THYN1: variants seen among roughly 807,000 people sequenced by gnomAD.
THYN1 encodes the protein thymocyte nuclear protein 1, also known as thymocyte protein thy28.
In THYN1, 32 loss-of-function variants were observed where a neutral mutation model predicts 30.6. The observed-to-expected ratio is 1.05, with a 90% CI of 0.79 to 1.40. The LOEUF (loss-of-function observed/expected upper bound fraction) is 1.40, where lower values mean the gene tolerates loss of function less well. THYN1 is among the 40% of genes most tolerant of loss of function. The pLI is 0.00. For missense variants in THYN1, 259 were observed against 272.6 expected (o/e 0.95, Z 0.35); for synonymous variants, 107 against 90.8 (o/e 1.18, Z -1.01).
chr11:134,250,964 G>A (rs541795734), intron 2 of THYN1, among the ~76,000 whole-genome samples, 166 bp downstream of exon 2: 7 of 152,144 alleles, frequency 4.6e-5, no homozygotes, highest in African/African-American at 9.7e-5. Flanking sequence ...AGATACACAG[G>A]TTCACAAACC....
Position 134,253,256 on chromosome 11 carries a change from G to A in THYN1, c.-374C>T. 7.5e-7 allele frequency: 1 copy of A among 1,334,356 alleles called. No homozygotes were observed. The highest frequency in any genetic ancestry group is 9.6e-7 in the Non-Finnish European group (1 of 1,043,368). 82.7% of individuals were successfully genotyped at this position (1,334,356 alleles called of 1,614,324 possible). On this transcript the variant is annotated 5_prime_UTR_variant, in exon 1 of 7. Coordinates refer to ENST00000341541, the MANE Select transcript of THYN1 (RefSeq NM_014174.3). ...TTATCCTTGCTAATTAGGATCAACT[G>A]AATGGATAATCTAGATGATGAAGTA...
At chr11:134,251,676 A>G (rs1355078497) in intron 1 of THYN1, 1 of 181,390 alleles carries the variant, frequency 5.5e-6, no homozygotes, top group Non-Finnish European at 1.1e-5. Context: ...AAATGAGGTA[A>G]TACAAAGGGC....
chr11:134,249,365 C>T (rs1591491317), intron 4 of THYN1, 103 bp from the exon 5 acceptor site: 1 of 1,167,406 alleles, frequency 8.6e-7, no homozygotes, highest in East Asian at 2.4e-5. Context: ...ACATTCTTAA[C>T]CCATCTGCCT....
chr11:134,252,230 G>T (rs1157246964), intron 1 of THYN1, among the ~76,000 whole-genome samples: 2 of 152,060 alleles, frequency 1.3e-5, no homozygotes, highest in African/African-American at 4.8e-5. Context: ...TTTCCTAATG[G>T]CCCCTTAGGA....
chr11:134,250,355 G>A lies in THYN1; in HGVS notation c.223-12C>T, dbSNP rs1333707751. 7 of 1,613,944 alleles carry A rather than the reference G, an allele frequency of 4.3e-6. No individual in the cohort carries two copies. Among genetic ancestry groups the A allele is most frequent in the Non-Finnish European group, 5.9e-6 (7 of 1,179,974 alleles). ...TCCTCAATGCTGAACTAGGCAAGAGGAAATAAATTCAATCATTAAACAATC... is the reference window on the plus strand; with the variant it reads ...TCCTCAATGCTGAACTAGGCAAGAGAAAATAAATTCAATCATTAAACAATC... On this transcript the variant is annotated splice_polypyrimidine_tract_variant and intron_variant, in intron 2 of 6. Coordinates refer to ENST00000341541, the MANE Select transcript of THYN1 (RefSeq NM_014174.3).
At chr11:134,252,634 A>C (rs1397055017) in intron 1 of THYN1, among the ~76,000 whole-genome samples, 6 of 152,232 alleles carry the variant, frequency 3.9e-5, no homozygotes, top group East Asian at 1.9e-4. Flanking sequence ...TGTGCACAAC[A>C]ACCATTGCCT....
rs1474962757 is a variant in THYN1, at chr11:134,251,278, G to T, written c.74C>A (p.Thr25Asn). The change falls in exon 2 of 7, where the codon ACT (threonine) becomes AAT (asparagine). Residue 25 changes from threonine (T) to asparagine (N), a missense_variant. Coordinates refer to ENST00000341541, the MANE Select transcript of THYN1 (RefSeq NM_014174.3). ...AGCTAATGCCTCACCTGAGTTCTCA[G>T]TTTTGGTGCGTTTTCCTGATAGTCC... is the stretch of plus-strand genomic sequence containing the variant. Reference protein sequence around the residue: ...DKGLSGKRTKTENSGEALAKV... With the variant: ...DKGLSGKRTKNENSGEALAKV... 2 of 1,613,240 alleles carry T rather than the reference G, an allele frequency of 1.2e-6. No individual in the cohort carries two copies. Among genetic ancestry groups the T allele is most frequent in the East Asian group, 4.5e-5 (2 of 44,862 alleles).
In THYN1 at chr11:134,253,174, G is replaced by A; in HGVS notation, c.-292C>T. ...ATCTCAGTATGTAGTTCACTGGGAA[G>A]TGGCTCCACAGAGACACTTTTGTTG... On this transcript the variant is annotated 5_prime_UTR_variant, in exon 1 of 7. Coordinates refer to ENST00000341541, the MANE Select transcript of THYN1 (RefSeq NM_014174.3). 7.5e-7 allele frequency: 1 copy of A among 1,338,268 alleles called. No homozygotes were observed. The highest frequency in any genetic ancestry group is 9.5e-7 in the Non-Finnish European group (1 of 1,048,404). The allele number at this position is 1,338,268 out of a possible 1,614,324, so 82.9% of individuals were successfully genotyped here. A position where few individuals can be genotyped will look rare whatever the true frequency, so the allele number is the denominator to read the frequency against.
chr11:134,251,545 T>C (rs1420134577), intron 1 of THYN1: 2 of 465,662 alleles, frequency 4.3e-6, no homozygotes, highest in East Asian at 7.3e-5. Flanking sequence ...CCTTACAGGG[T>C]TGTTCAGGAT....
chr11:134,252,359 C>T (rs1236574160), intron 1 of THYN1, among the ~76,000 whole-genome samples: 4 of 152,174 alleles, frequency 2.6e-5, no homozygotes, highest in Admixed American at 1.3e-4. Flanking sequence ...TGTTCCTCCT[C>T]CTCCATCCAC....
chr11:134,251,213 T>C lies in THYN1; in HGVS notation c.139A>G (p.Lys47Glu). 1 of 1,614,200 alleles carries C rather than the reference T, an allele frequency of 6.2e-7. No homozygotes were observed. The highest frequency in any genetic ancestry group is 8.5e-7 in the Non-Finnish European group (1 of 1,180,010). The change falls in exon 2 of 7, where the codon AAA (lysine) becomes GAA (glutamate). Residue 47 changes from lysine to glutamate, a missense_variant. Physicochemically the swap from Lys to Glu is moderately conservative, Grantham distance 56 (BLOSUM62 1). Coordinates refer to ENST00000341541, the MANE Select transcript of THYN1 (RefSeq NM_014174.3). The part of the protein sequence containing the change: ...DSNPQKTSAT[K>E]NCLKNLSSHW... ...CTGCTTAGATTCTTCAAACAGTTTT[T>C]AGTGGCTGAAGTCTTCTGAGGGTTG...
rs116551999 is a variant in THYN1, at chr11:134,252,247, A to G, written c.43+593T>C. Among the ~76,000 whole-genome samples the G allele has an allele frequency of 7.1e-3, 1,074 of 152,314 alleles. 10 individuals are homozygous for G. The highest frequency in any genetic ancestry group is 0.024 in the African/African-American group (1,013 of 41,560). On this transcript the variant is annotated intron_variant, in intron 1 of 6. Coordinates refer to ENST00000341541, the MANE Select transcript of THYN1 (RefSeq NM_014174.3). Reference sequence around the variant, plus strand: ...TCCTAATGGCCCCTTAGGAGTTAACAGGCCCACTGCAAACACCACATATTG... The same window carrying G: ...TCCTAATGGCCCCTTAGGAGTTAACGGGCCCACTGCAAACACCACATATTG...
intron 6 of THYN1, 96 bp from the exon 7 acceptor site, chr11:134,248,580 T>C: frequency 6.7e-7 from 1 of 1,486,582 alleles, no homozygotes; most frequent in Non-Finnish European, 9.3e-7. Context: ...TACATGGTAC[T>C]AAGGCGAGCA....
rs1214222023 is a variant in THYN1 at position 134,252,953 on chromosome 11, TC to T, written c.-72del. 2.0e-6 allele frequency: 3 copies of T among 1,507,340 alleles called. No individual in the cohort carries two copies. Among genetic ancestry groups the T allele is most frequent in the Non-Finnish European group, 2.7e-6 (3 of 1,130,378 alleles). 93.4% of individuals were successfully genotyped at this position (1,507,340 alleles called of 1,614,324 possible). On this transcript the variant is annotated 5_prime_UTR_variant, in exon 1 of 7. Transcript: ENST00000341541. ...GGAGATACAAGAAAGAATGCTAATG[TC>T]CTCCAAAACCCGCGCAGAGCGAGAT... is the stretch of plus-strand genomic sequence containing the variant.
At chr11:134,251,478 A>G in intron 1 of THYN1, 170 bp from the exon 2 acceptor site, 1 of 710,628 alleles carries the variant, frequency 1.4e-6, no homozygotes, top group Non-Finnish European at 2.3e-6. Context: ...AAAATTAGAC[A>G]AGAATACCTA....
intron 3 of THYN1, 64 bp downstream of exon 3, chr11:134,250,211 C>A: frequency 1.3e-6 from 2 of 1,577,644 alleles, no homozygotes; most frequent in South Asian, 1.1e-5. Flanking sequence ...CTGAGTACGT[C>A]ATGAGGAGGA....
At chr11:134,251,464 TA>T in intron 1 of THYN1, 156 bp from the exon 2 acceptor site, 1 of 829,366 alleles carries the variant, frequency 1.2e-6, no homozygotes, top group East Asian at 2.5e-5. Flanking sequence ...TTTCCTTATC[TA>T]TAAAAATTAG....
At chr11:134,250,479 T>C in intron 2 of THYN1, 136 bp from the exon 3 acceptor site, 2 of 902,500 alleles carry the variant, frequency 2.2e-6, no homozygotes, top group South Asian at 3.3e-5. Context: ...CACCGGGAAG[T>C]GGCTCCACAG....
chr11:134,250,310 G>C lies in THYN1; in HGVS notation c.256C>G (p.Gln86Glu), dbSNP rs1210806934. 2 of 1,614,038 alleles carry C rather than the reference G, an allele frequency of 1.2e-6. No individual in the cohort carries two copies. The highest frequency in any genetic ancestry group is 1.7e-5 in the Admixed American group (1 of 60,004). Residue 86 changes from glutamine (Q) to glutamate (E), a missense_variant, in exon 3 of 7, where the codon CAG (glutamine) becomes GAG (glutamate). Physicochemically the swap from Gln to Glu is conservative, Grantham distance 29. Transcript: ENST00000341541. ...SIEDLKAQPK[Q>E]TTCWDGVRNY... The stretch of plus-strand genomic sequence containing the variant: ...CGAACACCATCCCAGCATGTTGTCT[G>C]TTTGGGCTGTGCTTTGAGATCCTCA...
Sources: allele counts gnomAD v4.1 joint callset (sites outside exome capture counted in the v4.1 genomes callset), GRCh38; gene constraint gnomAD v4.1.1; transcripts MANE v1.5; gene names NCBI Gene and HGNC (gene_info 2026-07-23, HGNC 2026-07-21).